MEGF6: variants seen among roughly 807,000 people sequenced by gnomAD.
MEGF6 encodes the protein multiple EGF like domains 6.
In MEGF6, 184 loss-of-function variants were observed where a neutral mutation model predicts 207.1. That is an observed-to-expected ratio of 0.89 (90% confidence interval 0.79 to 1.00). The LOEUF is 1.00. Among genes scored for constraint, MEGF6 ranks in the 50% least tolerant of loss-of-function variants. The pLI is 0.00. For synonymous variants in MEGF6, 1,038 were observed against 910.0 expected (o/e 1.14, Z -2.53); for missense variants, 2,282 against 2,202.9 (o/e 1.04, Z -0.72).
At position 3,514,586 on chromosome 1, in the gene MEGF6, C is replaced by T; in HGVS notation, c.817G>A (p.Gly273Ser). 1.3e-6 allele frequency: 2 copies of T among 1,588,384 alleles called. No homozygotes were observed. Among genetic ancestry groups the T allele is most frequent in the South Asian group, 1.1e-5 (1 of 87,532 alleles). ...TTGCCGTCCGCTGCTAGCTGATAGCCCACGTGGCACTCACAGCGGGCGAGG... is the reference window on the plus strand; with the variant it reads ...TTGCCGTCCGCTGCTAGCTGATAGCTCACGTGGCACTCACAGCGGGCGAGG... ...RGLARCECHV[G>S]YQLAADGKAC... The change falls in exon 7 of 37, where the codon GGC becomes AGC. Residue 273 changes from glycine to serine, a missense_variant. Physicochemically the swap from Gly to Ser is moderately conservative, Grantham distance 56 (BLOSUM62 0). Coordinates refer to ENST00000356575, the MANE Select transcript of MEGF6 (RefSeq NM_001409.4).
At chr1:3,603,375 G>A (rs1030987484) in intron 1 of MEGF6, among the ~76,000 whole-genome samples, 1 of 151,962 alleles carries the variant, frequency 6.6e-6, no homozygotes, top group African/African-American at 2.4e-5. Flanking sequence ...GCAGGGGCTC[G>A]CCCCTGGCCT....
In MEGF6 at chr1:3,579,951, C is replaced by T. The variant is rs769389690; in HGVS notation, c.377-22G>A. On this transcript the variant is annotated intron_variant, in intron 3 of 36. Transcript: ENST00000356575. Reference sequence around the variant, plus strand: ...TCAGCTGCGGAGGGAAGGAGAAAATCGGTGAGAGGGGCAAGGAGGGGTGAG... The same window carrying T: ...TCAGCTGCGGAGGGAAGGAGAAAATTGGTGAGAGGGGCAAGGAGGGGTGAG... 1.8e-5 allele frequency: 27 copies of T among 1,487,240 alleles called. No homozygotes were observed. In the Admixed American group the frequency reaches 4.3e-4, roughly 24 times the overall value. The allele number at this position is 1,487,240 out of a possible 1,614,324, so 92.1% of individuals were successfully genotyped here.
At chr1:3,571,324 A>C (rs1643486975) in intron 4 of MEGF6, among the ~76,000 whole-genome samples, 1 of 152,136 alleles carries the variant, frequency 6.6e-6, no homozygotes, top group Non-Finnish European at 1.5e-5. Context: ...TGGAGGCCAG[A>C]AGCCTGTTCT....
intron 4 of MEGF6, among the ~76,000 whole-genome samples, chr1:3,541,333 C>T (rs77282509): frequency 0.084 from 12,774 of 152,268 alleles, 603 homozygotes; most frequent in Admixed American, 0.13. Flanking sequence ...AAGAGCACAT[C>T]GTCCCAGGAA....
chr1:3,563,632 TG>T (rs1283957000), intron 4 of MEGF6, among the ~76,000 whole-genome samples: 1 of 152,228 alleles, frequency 6.6e-6, no homozygotes, highest in East Asian at 1.9e-4. Context: ...ACTCATGAGC[TG>T]GGTTTGGCGT....
chr1:3,551,449 C>A (rs1193669757), intron 4 of MEGF6, among the ~76,000 whole-genome samples: 1 of 152,166 alleles, frequency 6.6e-6, no homozygotes, highest in Non-Finnish European at 1.5e-5. Flanking sequence ...TCCAGCTCCA[C>A]ACATCACTCT....
intron 5 of MEGF6, among the ~76,000 whole-genome samples, chr1:3,517,841 G>A (rs1285289725): frequency 3.3e-5 from 5 of 152,208 alleles, no homozygotes; most frequent in East Asian, 1.9e-4. Context: ...GCTCACCTGC[G>A]GACAGATGCG....
intron 5 of MEGF6, among the ~76,000 whole-genome samples, chr1:3,523,344 A>T (rs1641835259): frequency 6.6e-6 from 1 of 151,616 alleles, no homozygotes; most frequent in Non-Finnish European, 1.5e-5. Context: ...CTGGCTACTT[A>T]CTCTTCACCC....
At position 3,531,823 on chromosome 1, in the gene MEGF6, G is replaced by GGGGGCCGCGGGGCGGGGGA. The variant is rs1557755511; in HGVS notation, c.482-7578_482-7577insTCCCCCGCCCCGCGGCCCC. Among the ~76,000 whole-genome samples, 13 of 151,356 alleles carry GGGGGCCGCGGGGCGGGGGA rather than the reference G, an allele frequency of 8.6e-5. 1 individual carries two copies. In the South Asian group the frequency reaches 1.9e-3, roughly 22 times the overall value. ...CCTGGCCGGGCCGCGGGGCGGGGGA[G>GGGGGCCGCGGGGCGGGGGA]GGGGGCCGCGGGGCGGGGGAGGGGG... On this transcript the variant is annotated intron_variant, in intron 4 of 36. Coordinates refer to ENST00000356575, the MANE Select transcript of MEGF6 (RefSeq NM_001409.4).
chr1:3,535,118 C>T (rs546998416), intron 4 of MEGF6, among the ~76,000 whole-genome samples: 1 of 152,292 alleles, frequency 6.6e-6, no homozygotes, highest in Admixed American at 6.5e-5. Context: ...ATGAGACCAG[C>T]TCAGGGGCCC....
intron 33 of MEGF6, 45 bp downstream of exon 33, chr1:3,493,951 G>A (rs374481086): frequency 5.5e-5 from 87 of 1,582,296 alleles, no homozygotes; most frequent in Non-Finnish European, 7.3e-5. Flanking sequence ...ACCCAGACGG[G>A]ACGGGGCCAG....
chr1:3,490,618 C>A (rs1418064779), intron 36 of MEGF6, 29 bp from the exon 37 acceptor site: 1 of 1,609,666 alleles, frequency 6.2e-7, no homozygotes, highest in Non-Finnish European at 8.5e-7. Context: ...GAGGGCCAGT[C>A]CAGGGTGGGG....
chr1:3,609,986 C>A (rs1224201233), intron 1 of MEGF6, among the ~76,000 whole-genome samples: 1 of 152,258 alleles, frequency 6.6e-6, no homozygotes, highest in East Asian at 1.9e-4. Flanking sequence ...GCTGGCTGAG[C>A]AGCGAAGGCC....
At chr1:3,568,346 A>G (rs975307088) in intron 4 of MEGF6, among the ~76,000 whole-genome samples, 2 of 137,166 alleles carry the variant, frequency 1.5e-5, no homozygotes, top group Admixed American at 7.1e-5. Flanking sequence ...ACGGCAGGGG[A>G]ATGGGGGCTT....
intron 34 of MEGF6, 162 bp from the exon 35 acceptor site, chr1:3,492,929 G>A: frequency 2.2e-6 from 2 of 911,422 alleles, no homozygotes; most frequent in East Asian, 2.7e-5. Context: ...TTCCCCTGAG[G>A]AGTAAACAGT....
At chr1:3,603,158 C>T (rs1247470001) in intron 1 of MEGF6, among the ~76,000 whole-genome samples, 1 of 152,210 alleles carries the variant, frequency 6.6e-6, no homozygotes, top group Non-Finnish European at 1.5e-5. Flanking sequence ...CCCATCCCTG[C>T]CAAACTCCTT....
intron 1 of MEGF6, among the ~76,000 whole-genome samples, chr1:3,604,844 G>A (rs531749124): frequency 6.6e-6 from 1 of 152,088 alleles, no homozygotes; most frequent in Non-Finnish European, 1.5e-5. Context: ...AGGACCAGAG[G>A]TTGGATCAGG....
chr1:3,583,887 C>CACAGCCACCAGACAACGT (rs1239992267), intron 3 of MEGF6, among the ~76,000 whole-genome samples: 1 of 152,056 alleles, frequency 6.6e-6, no homozygotes, highest in Non-Finnish European at 1.5e-5. Flanking sequence ...CCAGACAACG[C>CACAGCCACCAGACAACGT]GCAGCCACCA....
intron 2 of MEGF6, 22 bp downstream of exon 2, chr1:3,602,444 C>G (rs566580882): frequency 6.2e-7 from 1 of 1,613,140 alleles, no homozygotes; most frequent in Non-Finnish European, 8.5e-7. Context: ...GCCCCTCCCC[C>G]AACACGGGCC....
Sources: allele counts gnomAD v4.1 joint callset (sites outside exome capture counted in the v4.1 genomes callset), GRCh38; gene constraint gnomAD v4.1.1; transcripts MANE v1.5; gene names NCBI Gene and HGNC (gene_info 2026-07-23, HGNC 2026-07-21).